The following CFAP47 variants were observed in gnomAD, a reference collection of about 807,000 sequenced individuals.
CFAP47 encodes the protein cilia- and flagella-associated protein 47.
Under a neutral mutation model 148.1 loss-of-function variants are expected in CFAP47, and 29 were observed. That is an observed-to-expected ratio of 0.20 (90% CI 0.15 to 0.27). CFAP47 has a LOEUF of 0.27. CFAP47 is among the 10% of genes least tolerant of loss of function. The pLI, the probability that CFAP47 is intolerant of heterozygous loss-of-function variation, is 1.00. For synonymous variants in CFAP47, 664 were observed against 577.3 expected, an observed-to-expected ratio of 1.15 and a Z score of -2.15; for missense variants, 1,872 against 1,697.5, an observed-to-expected ratio of 1.10 and a Z score of -1.81.
At chrX:36,032,939 G>T (rs1601940367) in intron 23 of CFAP47, among the ~76,000 whole-genome samples, 1 of 111,224 alleles carries the variant, frequency 9.0e-6, no homozygotes, top group Admixed American at 9.6e-5. Context: ...TCAGAGTGAT[G>T]CAGTGTTCAA....
At chrX:36,237,331 ATTTATTTTATTTTAT>A (rs1193290059) in intron 48 of CFAP47, among the ~76,000 whole-genome samples, 3 of 111,108 alleles carry the variant, frequency 2.7e-5, no homozygotes, top group Admixed American at 9.6e-5. Flanking sequence ...TTTAGGTTTT[ATTTATTTTATTTTAT>A]TTTATTTTAT....
chrX:36,373,862 C>T (rs148664507), intron 62 of CFAP47, among the ~76,000 whole-genome samples: 1,322 of 111,981 alleles, frequency 0.012, 12 homozygotes, highest in African/African-American at 0.041. Flanking sequence ...TGGCATATCA[C>T]GTTGATTGAT....
At chrX:36,068,626 T>A (rs1175322697) in intron 27 of CFAP47, among the ~76,000 whole-genome samples, 3 of 111,439 alleles carry the variant, frequency 2.7e-5, no homozygotes, top group African/African-American at 9.8e-5. Flanking sequence ...GAGATAGATA[T>A]CTCAAAATTT....
At chrX:36,218,271 C>T (rs16987417) in intron 45 of CFAP47, among the ~76,000 whole-genome samples, 5,158 of 112,045 alleles carry the variant, frequency 0.046, 291 homozygotes, top group African/African-American at 0.16. Flanking sequence ...AAAGTGAAAT[C>T]TTACATCAGT....
chrX:36,102,184 T>G (rs1938388213), intron 32 of CFAP47, among the ~76,000 whole-genome samples: 1 of 111,670 alleles, frequency 9.0e-6, no homozygotes, highest in Non-Finnish European at 1.9e-5. Flanking sequence ...CATGAAAGAA[T>G]TTCCTGAGTA....
intron 29 of CFAP47, among the ~76,000 whole-genome samples, chrX:36,083,826 C>T (rs1440835559): frequency 5.4e-5 from 6 of 110,734 alleles, no homozygotes; most frequent in Non-Finnish European, 1.1e-4. Context: ...ATATAGGCAA[C>T]TATGGAGTTA....
intron 61 of CFAP47, among the ~76,000 whole-genome samples, chrX:36,361,837 T>C (rs184367816): frequency 8.9e-6 from 1 of 112,456 alleles, no homozygotes; most frequent in African/African-American, 3.2e-5. Context: ...TATTTCTTGA[T>C]GTTGCTTATC....
intron 60 of CFAP47, among the ~76,000 whole-genome samples, chrX:36,360,183 G>A (rs782235109): frequency 4.4e-4 from 49 of 111,997 alleles, no homozygotes; most frequent in African/African-American, 1.6e-3. Flanking sequence ...TGATGAGACA[G>A]TTTTCTCCTG....
chrX:36,206,632 CAAGG>C (rs1555988822), intron 45 of CFAP47, among the ~76,000 whole-genome samples: 2 of 111,084 alleles, frequency 1.8e-5, no homozygotes, highest in East Asian at 5.7e-4. Flanking sequence ...AATGTATAAC[CAAGG>C]ATACACAGCA....
intron 30 of CFAP47, among the ~76,000 whole-genome samples, chrX:36,095,806 C>CA: frequency 9.0e-6 from 1 of 111,302 alleles, no homozygotes; most frequent in Non-Finnish European, 1.9e-5. Flanking sequence ...TTTATCTTGT[C>CA]AAAAAAGCAA....
chrX:36,314,605 A>G (rs181879309), intron 56 of CFAP47, among the ~76,000 whole-genome samples: 3 of 111,437 alleles, frequency 2.7e-5, no homozygotes, highest in East Asian at 2.8e-4. Context: ...GTACAGAGAA[A>G]CCTTTAGGCT....
Position 35,967,780 on chromosome X carries a change from C to T in CFAP47, c.1762C>T (p.Pro588Ser). The T allele has an allele frequency of 8.3e-7, 1 of 1,208,371 alleles. No individual in the cohort carries two copies. Among genetic ancestry groups the T allele is most frequent in the Non-Finnish European group, 1.1e-6 (1 of 893,708 alleles). The change falls in exon 10 of 64, where the codon CCC becomes TCC. Residue 588 changes from proline to serine, a missense_variant. Pro to Ser is a moderately conservative substitution (Grantham distance 74). Transcript: ENST00000378653. ...EPVKDMLLAFPNDRAATIRSK... is the reference protein window; with the variant it reads ...EPVKDMLLAFSNDRAATIRSK... ...AGTGAAGGATATGCTATTAGCCTTT[C>T]CCAATGACCGAGCTGCAACTATCAG...
At chrX:36,355,327 A>G (rs1433807157) in intron 60 of CFAP47, among the ~76,000 whole-genome samples, 1 of 111,706 alleles carries the variant, frequency 9.0e-6, no homozygotes, top group African/African-American at 3.3e-5. Context: ...TCAAAAAATT[A>G]AAAAGAGAAT....
rs746422061 is a variant in CFAP47, at chrX:36,161,566, G to A, written c.6026+797G>A. Among the ~76,000 whole-genome samples the A allele has an allele frequency of 9.9e-5, 11 of 111,539 alleles. No homozygotes were observed. In the South Asian group the frequency reaches 4.1e-3, roughly 42 times the overall value. On this transcript the variant is annotated intron_variant, in intron 39 of 63. Transcript: ENST00000378653. The stretch of plus-strand genomic sequence containing the variant: ...ATAAAATTTTCAAGTATTATTTAAT[G>A]ACACAATAGAAAAGTAACTTCCTGG...
At chrX:36,328,401 C>A (rs1426286499) in intron 57 of CFAP47, among the ~76,000 whole-genome samples, 1 of 112,115 alleles carries the variant, frequency 8.9e-6, no homozygotes, top group Non-Finnish European at 1.9e-5. Flanking sequence ...ATATATAGAT[C>A]AAATGAATTT....
chrX:35,959,878 CAAA>C lies in CFAP47; in HGVS notation c.1410+3703_1410+3705del, dbSNP rs755201291. 2.0e-4 allele frequency among the ~76,000 whole-genome samples: 6 copies of C among 30,393 alleles called. No individual in the cohort carries two copies. In the East Asian group the frequency reaches 4.2e-3, roughly 21 times the overall value. The allele number at this position is 30,393 out of a possible 115,157, so 26.4% of individuals were successfully genotyped here. A position where few individuals can be genotyped will look rare whatever the true frequency, so the allele number is the denominator to read the frequency against. ...TGGGTGACAGAGTGAGACTCCGTCT[CAAA>C]AAAAAAAAAAAAAAAAAAAACTATT... On this transcript the variant is annotated intron_variant, in intron 8 of 63. Transcript: ENST00000378653.
chrX:36,255,275 G>A (rs1177586269), intron 49 of CFAP47, among the ~76,000 whole-genome samples: 1 of 112,465 alleles, frequency 8.9e-6, no homozygotes, highest in African/African-American at 3.2e-5. Flanking sequence ...TTCCGAGAGA[G>A]GAAGTTAGAA....
chrX:35,964,571 T>C (rs1238150108), intron 8 of CFAP47, among the ~76,000 whole-genome samples: 1 of 111,014 alleles, frequency 9.0e-6, no homozygotes, highest in African/African-American at 3.3e-5. Context: ...TCTCTTCTCC[T>C]TTTTAGACTC....
chrX:35,931,638 G>T (rs776675444), intron 2 of CFAP47, among the ~76,000 whole-genome samples: 3 of 111,364 alleles, frequency 2.7e-5, no homozygotes, highest in African/African-American at 9.8e-5. Flanking sequence ...TTAATTGAAG[G>T]TTATTTTAGG....
Sources: allele counts gnomAD v4.1 joint callset (sites outside exome capture counted in the v4.1 genomes callset), GRCh38; gene constraint gnomAD v4.1.1; transcripts MANE v1.5; gene names NCBI Gene and HGNC (gene_info 2026-07-23, HGNC 2026-07-21).